The following SEMA4D variants were observed in gnomAD, a reference collection of about 807,000 sequenced individuals.
SEMA4D encodes the protein semaphorin 4D, also known as semaphorin-4D.
SEMA4D carries 22 observed loss-of-function variants against 74.8 expected under a neutral mutation model. The ratio of observed to expected loss-of-function variants is 0.29; its 90% CI spans 0.21 to 0.42. SEMA4D has a LOEUF of 0.42. Ranked by LOEUF, SEMA4D falls within the 10% of genes least tolerant of loss-of-function variation. The probability of loss-of-function intolerance (pLI) is 1.00; values close to 1 mark genes in which losing one functional copy is unlikely to be tolerated. For synonymous variants in SEMA4D, 445 were observed against 463.7 expected (o/e 0.96, Z 0.52); for missense variants, 937 against 1,118.4 (o/e 0.84, Z 2.31).
intron 1 of SEMA4D, among the ~76,000 whole-genome samples, chr9:89,482,338 C>G (rs1207433659): frequency 2.6e-5 from 4 of 152,212 alleles, no homozygotes; most frequent in African/African-American, 7.2e-5. Context: ...CAGCTCTGAT[C>G]AGACAGGCAC....
rs1053207469 is a variant in SEMA4D at position 89,379,590 on chromosome 9, T to A, written c.1703A>T (p.His568Leu). Residue 568 changes from histidine to leucine, a missense_variant, in exon 16 of 16, where the codon CAC becomes CTC. Transcript: ENST00000422704. ...KGSYRQHFFK[H>L]GGTAELKCSQ... ...GCATTTCAGTTCCGCTGTGCCACCG[T>A]GCTTGAAAAAATGCTGCCGGTAACT... The A allele has an allele frequency of 2.5e-6, 4 of 1,610,818 alleles. No individual in the cohort carries two copies. Among genetic ancestry groups the A allele is most frequent in the Non-Finnish European group, 2.5e-6 (3 of 1,178,060 alleles).
chr9:89,388,486 A>T, intron 11 of SEMA4D, 150 bp downstream of exon 11: 1 of 846,538 alleles, frequency 1.2e-6, no homozygotes, highest in Non-Finnish European at 1.7e-6. Context: ...AAGAAGGATG[A>T]GCTGTGCTCA....
chr9:89,361,509 G>C (rs1832761732), exon 19 of SEMA4D: 1 of 152,184 alleles, frequency 6.6e-6, no homozygotes. Flanking sequence ...TTTAGGACAA[G>C]TTCACACACA....
chr9:89,493,827 A>C (rs1825807613), intron 1 of SEMA4D, among the ~76,000 whole-genome samples: 1 of 152,240 alleles, frequency 6.6e-6, no homozygotes, highest in Non-Finnish European at 1.5e-5. Context: ...GAAATGCTGG[A>C]ACAAGCCCCA....
chr9:89,361,473 G>A (rs1295547102), exon 19 of SEMA4D: 1 of 151,938 alleles, frequency 6.6e-6, no homozygotes, highest in South Asian at 2.1e-4. Flanking sequence ...GAAGAGACGT[G>A]TGTGTAAGAT....
intron 1 of SEMA4D, among the ~76,000 whole-genome samples, chr9:89,496,069 T>C (rs1825990602): frequency 1.3e-5 from 2 of 152,154 alleles, no homozygotes; most frequent in African/African-American, 2.4e-5. Context: ...TGGAGAGGAC[T>C]GTCCACAAGT....
At chr9:89,452,664 A>G (rs1470448411) in intron 2 of SEMA4D, among the ~76,000 whole-genome samples, 2 of 151,794 alleles carry the variant, frequency 1.3e-5, no homozygotes, top group Non-Finnish European at 2.9e-5. Flanking sequence ...ATTTGGCCAC[A>G]TTGGTCTTGA....
chr9:89,375,122 G>A (rs1835614220), downstream of SEMA4D, among the ~76,000 whole-genome samples: 1 of 152,146 alleles, frequency 6.6e-6, no homozygotes, highest in South Asian at 2.1e-4. Context: ...GCCCGCAAAG[G>A]AGCCCTGGGT....
intron 1 of SEMA4D, among the ~76,000 whole-genome samples, chr9:89,491,370 G>A (rs1167209715): frequency 1.3e-5 from 2 of 152,190 alleles, no homozygotes; most frequent in East Asian, 3.8e-4. Flanking sequence ...AGGAGATCGA[G>A]ACCATCCTGG....
chr9:89,371,973 G>GTA (rs1835016709), intron 16 of SEMA4D, among the ~76,000 whole-genome samples: 1 of 122,318 alleles, frequency 8.2e-6, no homozygotes, highest in African/African-American at 3.2e-5. Context: ...TGTGGGGTGT[G>GTA]GTGTGTGTCT....
intron 2 of SEMA4D, among the ~76,000 whole-genome samples, chr9:89,411,324 A>G (rs1219374152): frequency 6.6e-6 from 1 of 152,232 alleles, no homozygotes; most frequent in African/African-American, 2.4e-5. Context: ...ATCACTGCCC[A>G]GTTGCATAGC....
chr9:89,449,628 G>C, intron 2 of SEMA4D: 3 of 1,236,442 alleles, frequency 2.4e-6, no homozygotes, highest in Non-Finnish European at 3.6e-6. Flanking sequence ...TATAAGATGG[G>C]GGGGTGACAT....
At chr9:89,418,011 A>T in intron 2 of SEMA4D, 1 of 864,214 alleles carries the variant, frequency 1.2e-6, no homozygotes, top group South Asian at 5.3e-5. Context: ...CACATTATCA[A>T]CTCTGCTCAA....
At chr9:89,384,717 C>T (rs1188204742) in intron 13 of SEMA4D, 1 of 985,336 alleles carries the variant, frequency 1.0e-6, no homozygotes, top group African/African-American at 1.7e-5. Flanking sequence ...GGTGGAGGCA[C>T]AGCGCACCTC....
At chr9:89,466,351 C>T (rs1057204677) in intron 1 of SEMA4D, among the ~76,000 whole-genome samples, 1 of 152,176 alleles carries the variant, frequency 6.6e-6, no homozygotes, top group African/African-American at 2.4e-5. Flanking sequence ...TCTTTCTGGG[C>T]TCCTCGAACA....
chr9:89,381,286 A>G lies in SEMA4D; in HGVS notation c.1507T>C (p.Cys503Arg). The stretch of plus-strand genomic sequence containing the variant: ...TCCTCGCAGGTGCCGTGCTTCCCAC[A>G]GAAGGCCAGCGGGGCCTGGACCACG... ...SGVVQAPLAF[C>R]GKHGTCEDCV... is the part of the protein sequence containing the mutation. The change falls in exon 14 of 16, where the codon TGT becomes CGT. Residue 503 changes from cysteine (C) to arginine (R), a missense_variant. Cys to Arg is a radical substitution (Grantham distance 180). Transcript: ENST00000422704. The surrounding 1 kb of genome is among the most constrained non-coding windows in gnomAD (Gnocchi z 4.6). 1 of 1,580,908 alleles carries G rather than the reference A, an allele frequency of 6.3e-7. No individual in the cohort carries two copies. The highest frequency in any genetic ancestry group is 8.6e-7 in the Non-Finnish European group (1 of 1,160,368).
At chr9:89,449,369 CT>C (rs1327979709) in intron 2 of SEMA4D, among the ~76,000 whole-genome samples, 3 of 152,220 alleles carry the variant, frequency 2.0e-5, no homozygotes, top group Admixed American at 6.5e-5. Flanking sequence ...AGTTTAGATC[CT>C]ACACCTACCA....
chr9:89,471,595 T>C (rs866705029), intron 1 of SEMA4D, among the ~76,000 whole-genome samples: 9 of 150,310 alleles, frequency 6.0e-5, no homozygotes, highest in Admixed American at 4.0e-4. Context: ...CTCAGATGCA[T>C]GCCAGCTCAG....
chr9:89,363,283 C>T, intron 18 of SEMA4D: 1 of 1,191,056 alleles, frequency 8.4e-7, no homozygotes. Flanking sequence ...CCCAGTGTTG[C>T]AGATTTCATA....
Sources: gnomAD v4.1 joint callset for allele counts (sites outside exome capture counted in the v4.1 genomes callset) on GRCh38, gnomAD v4.1.1 for gene constraint, Gnocchi (gnomAD v3.1) non-coding constraint, MANE v1.5 for transcripts, NCBI Gene and HGNC (gene_info 2026-07-23, HGNC 2026-07-21) for gene names.